TSHZ2: variants seen among roughly 807,000 people sequenced by gnomAD.
TSHZ2 encodes the protein teashirt zinc finger homeobox 2, also known as teashirt homolog 2.
In TSHZ2, 21 loss-of-function variants were observed where a neutral mutation model predicts 74.4. The ratio of observed to expected loss-of-function variants is 0.28; its 90% confidence interval spans 0.20 to 0.41. The LOEUF is 0.41. Ranked by LOEUF, TSHZ2 falls within the 10% of genes least tolerant of loss-of-function variation. The pLI, the probability that TSHZ2 is intolerant of heterozygous loss-of-function variation, is 1.00. For missense variants in TSHZ2, 1,244 were observed against 1,293.5 expected (o/e 0.96, Z 0.59); for synonymous variants, 540 against 515.3 (o/e 1.05, Z -0.65).
rs1255356980 is a variant in TSHZ2 at position 53,494,103 on chromosome 20, G to A, written c.*6968G>A. The A allele has an allele frequency of 6.6e-6, 1 of 152,260 alleles. No homozygotes were observed. Among genetic ancestry groups the A allele is most frequent in the Non-Finnish European group, 1.5e-5 (1 of 68,140 alleles). The allele number at this position is 152,260 out of a possible 1,614,324, so 9.4% of individuals were successfully genotyped here. ...AGTTTCAGACCAACCTGGCCAACAT[G>A]GCAAAACCTCGTCTCTACTAAAAAT... On this transcript the variant is annotated 3_prime_UTR_variant, in exon 3 of 3. Coordinates refer to ENST00000371497, the MANE Select transcript of TSHZ2 (RefSeq NM_173485.6).
At chr20:53,027,201 C>T (rs1983477664) in intron 1 of TSHZ2, among the ~76,000 whole-genome samples, 1 of 152,044 alleles carries the variant, frequency 6.6e-6, no homozygotes, top group South Asian at 2.1e-4. Context: ...TGAGCCAGAG[C>T]TGTGTTTATG....
intron 1 of TSHZ2, among the ~76,000 whole-genome samples, chr20:53,183,888 ACTT>A (rs1240356677): frequency 6.6e-6 from 1 of 152,198 alleles, no homozygotes; most frequent in African/African-American, 2.4e-5. Context: ...GATTGCATCC[ACTT>A]CTCTGGATGC....
intron 2 of TSHZ2, among the ~76,000 whole-genome samples, chr20:53,440,137 C>T (rs982666424): frequency 1.3e-5 from 2 of 151,678 alleles, no homozygotes; most frequent in African/African-American, 4.9e-5. Context: ...TGATCACTGA[C>T]GATTTGGAAA....
At chr20:53,377,658 G>A (rs913979484) in intron 2 of TSHZ2, among the ~76,000 whole-genome samples, 3 of 152,018 alleles carry the variant, frequency 2.0e-5, no homozygotes, top group Non-Finnish European at 4.4e-5. Flanking sequence ...CCAAGATTTC[G>A]AGAGACGCCT....
At chr20:53,155,782 T>TAACTATTTTTTTTTCAACTTACATCGAG (rs1987780384) in intron 1 of TSHZ2, among the ~76,000 whole-genome samples, 1 of 152,088 alleles carries the variant, frequency 6.6e-6, no homozygotes, top group Non-Finnish European at 1.5e-5. Flanking sequence ...ATCTCAATGT[T>TAACTATTTTTTTTTCAACTTACATCGAG]GTGATAGACT....
At chr20:53,380,570 A>C (rs1294395083) in intron 2 of TSHZ2, among the ~76,000 whole-genome samples, 1 of 152,182 alleles carries the variant, frequency 6.6e-6, no homozygotes, top group Non-Finnish European at 1.5e-5. Flanking sequence ...AAAAAGGAGG[A>C]GCTTGCATCC....
intron 1 of TSHZ2, among the ~76,000 whole-genome samples, chr20:53,238,388 G>A (rs961073555): frequency 6.6e-6 from 1 of 152,146 alleles, no homozygotes; most frequent in Non-Finnish European, 1.5e-5. Flanking sequence ...AGAATCAAAA[G>A]ACAATCTCTC....
intron 1 of TSHZ2, among the ~76,000 whole-genome samples, chr20:52,989,862 CT>C (rs984106761): frequency 1.4e-4 from 20 of 146,506 alleles, no homozygotes; most frequent in Admixed American, 5.5e-4. Context: ...ATTTTTTTTC[CT>C]TTTTTTTTAA....
intron 2 of TSHZ2, among the ~76,000 whole-genome samples, chr20:53,472,368 G>T (rs1422279036): frequency 6.6e-6 from 1 of 152,132 alleles, no homozygotes; most frequent in Non-Finnish European, 1.5e-5. Context: ...GGAGGAGTGA[G>T]GGCACAGTCA....
At chr20:53,270,249 T>G (rs1008698271) in intron 2 of TSHZ2, among the ~76,000 whole-genome samples, 1 of 152,136 alleles carries the variant, frequency 6.6e-6, no homozygotes, top group African/African-American at 2.4e-5. Context: ...GCACCCTTGG[T>G]GCCTGCAAGT....
intron 2 of TSHZ2, among the ~76,000 whole-genome samples, chr20:53,257,399 A>G (rs1225737099): frequency 1.3e-5 from 2 of 152,214 alleles, no homozygotes; most frequent in African/African-American, 4.8e-5. Flanking sequence ...GTTAATGTGC[A>G]TGGAGTCCCA....
At chr20:53,094,424 G>C (rs921065450) in intron 1 of TSHZ2, among the ~76,000 whole-genome samples, 20 of 152,160 alleles carry the variant, frequency 1.3e-4, no homozygotes, top group Admixed American at 1.0e-3. Context: ...AGCCACAGTA[G>C]TCTTTAAACT....
At chr20:53,012,688 A>T (rs1195097099) in intron 1 of TSHZ2, among the ~76,000 whole-genome samples, 3 of 152,076 alleles carry the variant, frequency 2.0e-5, no homozygotes, top group Non-Finnish European at 2.9e-5. Flanking sequence ...GCACATGCAC[A>T]CATACATGCA....
chr20:53,020,018 C>T (rs1983180823), intron 1 of TSHZ2, among the ~76,000 whole-genome samples: 1 of 152,138 alleles, frequency 6.6e-6, no homozygotes, highest in Non-Finnish European at 1.5e-5. Context: ...AAGGCACGTC[C>T]TACATGGTGG....
chr20:52,992,500 C>G (rs1168929680), intron 1 of TSHZ2, among the ~76,000 whole-genome samples: 2 of 152,156 alleles, frequency 1.3e-5, no homozygotes, highest in African/African-American at 4.8e-5. Flanking sequence ...ATAGGAGCCC[C>G]TTGTCTCCTG....
At chr20:53,004,375 G>T (rs563435558) in intron 1 of TSHZ2, among the ~76,000 whole-genome samples, 1 of 152,132 alleles carries the variant, frequency 6.6e-6, no homozygotes, top group African/African-American at 2.4e-5. Context: ...AGCTGAAATC[G>T]GTCAAGCTTC....
chr20:53,488,793 T>C lies in TSHZ2; in HGVS notation c.*1658T>C. The C allele has an allele frequency of 3.1e-6, 1 of 321,944 alleles. No homozygotes were observed. The highest frequency in any genetic ancestry group is 2.6e-5 in the South Asian group (1 of 38,018). 19.9% of individuals were successfully genotyped at this position (321,944 alleles called of 1,614,324 possible). A position where few individuals can be genotyped will look rare whatever the true frequency, so the allele number is the denominator to read the frequency against. ...TCAAGGAGGCTGCCTGTTGGAATTG[T>C]TTTGGAAATTTTGACATGATCCCTA... On this transcript the variant is annotated 3_prime_UTR_variant, in exon 3 of 3. Coordinates refer to ENST00000371497, the MANE Select transcript of TSHZ2 (RefSeq NM_173485.6).
chr20:53,072,696 G>A (rs749164158), intron 1 of TSHZ2, among the ~76,000 whole-genome samples: 3 of 152,144 alleles, frequency 2.0e-5, no homozygotes, highest in Admixed American at 6.5e-5. Context: ...ACCATCCCTA[G>A]AAGGTTTTCC....
At chr20:53,021,374 T>A (rs1388579650) in intron 1 of TSHZ2, among the ~76,000 whole-genome samples, 1 of 152,144 alleles carries the variant, frequency 6.6e-6, no homozygotes, top group East Asian at 1.9e-4. Flanking sequence ...TGCGCTGTGT[T>A]TAGCAAGCCT....
Sources: allele counts gnomAD v4.1 joint callset (sites outside exome capture counted in the v4.1 genomes callset), GRCh38; gene constraint gnomAD v4.1.1; transcripts MANE v1.5; gene names NCBI Gene and HGNC (gene_info 2026-07-23, HGNC 2026-07-21).